Variants in DIP2C observed in about 807,000 individuals in gnomAD.
The protein encoded by DIP2C is disco-interacting protein 2 homolog C.
DIP2C carries 33 observed loss-of-function variants against 192.4 expected under a neutral mutation model. The ratio of observed to expected loss-of-function variants is 0.17; its 90% CI spans 0.13 to 0.23. The LOEUF (loss-of-function observed/expected upper bound fraction) is 0.23, where lower values mean the gene tolerates loss of function less well. DIP2C is among the 10% of genes least tolerant of loss of function. DIP2C has a pLI of 1.00. For synonymous variants in DIP2C, 979 were observed against 864.1 expected (o/e 1.13, Z -2.33); for missense variants, 1,537 against 2,110.1 (o/e 0.73, Z 5.32).
In DIP2C at chr10:670,397, CGTAA is replaced by C. The variant is rs367837768; in HGVS notation, c.85+19093_85+19096del. On this transcript the variant is annotated intron_variant, in intron 1 of 36. Coordinates refer to ENST00000280886, the MANE Select transcript of DIP2C (RefSeq NM_014974.3). ...ACACACATGCATGTGTACACGCATA[CGTAA>C]GTATCATCTCAGGTACGTGGATTCA... is the stretch of plus-strand genomic sequence containing the variant. Among the ~76,000 whole-genome samples, 972 of 152,212 alleles carry C rather than the reference CGTAA, an allele frequency of 6.4e-3. 9 individuals are homozygous for C. Among genetic ancestry groups the C allele is most frequent in the African/African-American group, 0.021 (890 of 41,536 alleles).
chr10:494,270 G>A (rs767512916), intron 1 of DIP2C, among the ~76,000 whole-genome samples: 3 of 151,560 alleles, frequency 2.0e-5, no homozygotes, highest in Non-Finnish European at 4.4e-5. Context: ...GCAGTCCAGA[G>A]TCCTAAACCC....
intron 1 of DIP2C, among the ~76,000 whole-genome samples, chr10:495,790 C>T (rs1231730757): frequency 6.6e-6 from 1 of 151,590 alleles, no homozygotes; most frequent in Non-Finnish European, 1.5e-5. Context: ...CCACAGTGCC[C>T]TCCCCATGTA....
intron 1 of DIP2C, among the ~76,000 whole-genome samples, chr10:685,160 AAATATATATATATATAT>A (rs1831278226): frequency 3.4e-4 from 10 of 29,124 alleles, no homozygotes; most frequent in Non-Finnish European, 6.1e-4. Flanking sequence ...AAAAAAAAAA[AAATATATATATATATAT>A]ATATATATAC....
rs147930090 is a variant in DIP2C at position 363,165 on chromosome 10, G to C, written c.2592+32C>G. 5.0e-4 allele frequency: 792 copies of C among 1,588,716 alleles called. 5 individuals carry two copies. In the African/African-American group the frequency reaches 9.7e-3, roughly 19 times the overall value. ...GTAAGGAGGCCAGAAACAAGACACA[G>C]GGGACCAGTGCCCAGGGCGAGGGAG... is the stretch of plus-strand genomic sequence containing the variant. On this transcript the variant is annotated intron_variant, in intron 21 of 36. Transcript: ENST00000280886. This position sits in a 1 kb window ranked among gnomAD's most constrained non-coding sequence, Gnocchi z 5.4.
chr10:450,024 C>A (rs1402626865), intron 3 of DIP2C, among the ~76,000 whole-genome samples: 2 of 151,864 alleles, frequency 1.3e-5, no homozygotes, highest in Admixed American at 1.3e-4. Context: ...AGCCTTGGAA[C>A]AGGAATCTCA....
intron 1 of DIP2C, among the ~76,000 whole-genome samples, chr10:583,999 C>T (rs953092646): frequency 2.0e-5 from 3 of 152,226 alleles, no homozygotes; most frequent in Admixed American, 6.5e-5. Flanking sequence ...TGGGTGGGTC[C>T]GTCTTTGTGA....
intron 1 of DIP2C, among the ~76,000 whole-genome samples, chr10:515,857 A>G (rs767288271): frequency 6.6e-6 from 1 of 152,160 alleles, no homozygotes; most frequent in Non-Finnish European, 1.5e-5. Context: ...TCTCGTCTCT[A>G]AACACTATGG....
intron 5 of DIP2C, 136 bp downstream of exon 5, chr10:422,686 GCC>G (rs1365954396): frequency 9.5e-7 from 1 of 1,055,162 alleles, no homozygotes; most frequent in African/African-American, 1.6e-5. Flanking sequence ...AAACAATCCA[GCC>G]AAAGCACCCC....
intron 1 of DIP2C, among the ~76,000 whole-genome samples, chr10:566,388 C>A (rs962027464): frequency 1.3e-5 from 2 of 152,222 alleles, no homozygotes; most frequent in Admixed American, 6.5e-5. Flanking sequence ...TCACCTGGTG[C>A]ATGAGCCGCT....
intron 1 of DIP2C, among the ~76,000 whole-genome samples, chr10:585,054 C>T (rs912737794): frequency 6.6e-6 from 1 of 151,896 alleles, no homozygotes; most frequent in African/African-American, 2.4e-5. Context: ...AATCTCAGGG[C>T]CCACGACCTG....
rs202012059 is a variant in DIP2C, at chr10:478,008, A to AGAGAGGAGGG, written c.158-5460_158-5459insCCCTCCTCTC. Among the ~76,000 whole-genome samples, 10 of 4,048 alleles carry AGAGAGGAGGG rather than the reference A, an allele frequency of 2.5e-3. 4 individuals carry two copies. The highest frequency in any genetic ancestry group is 3.5e-3 in the Non-Finnish European group (8 of 2,312). 2.7% of individuals were successfully genotyped at this position (4,048 alleles called of 152,430 possible). Reference sequence around the variant, plus strand: ...AGAAGAGAAGATAGAAGAGGAAAAAAGAGGGGAGGGGAGGGGAGGGGAGGG... The same window carrying AGAGAGGAGGG: ...AGAAGAGAAGATAGAAGAGGAAAAAAGAGAGGAGGGGAGGGGAGGGGAGGGGAGGGGAGGG... On this transcript the variant is annotated intron_variant, in intron 2 of 36. Transcript: ENST00000280886.
intron 1 of DIP2C, among the ~76,000 whole-genome samples, chr10:674,476 T>A (rs1489158915): frequency 3.3e-5 from 5 of 151,896 alleles, no homozygotes; most frequent in African/African-American, 1.2e-4. Context: ...TATTAGTAGA[T>A]CTAAATAGAG....
At chr10:451,808 G>C (rs10795161) in intron 3 of DIP2C, among the ~76,000 whole-genome samples, 1 of 151,960 alleles carries the variant, frequency 6.6e-6, no homozygotes, top group African/African-American at 2.4e-5. Context: ...AAGCAATCAT[G>C]TGGGGAAGGA....
chr10:350,892 C>T (rs1326994654), intron 24 of DIP2C, among the ~76,000 whole-genome samples: 11 of 152,122 alleles, frequency 7.2e-5, no homozygotes, highest in Non-Finnish European at 1.3e-4. Flanking sequence ...ATGATCCGCC[C>T]GCCTTGGCCT....
At chr10:398,966 C>T in intron 10 of DIP2C, 143 bp downstream of exon 10, 1 of 671,134 alleles carries the variant, frequency 1.5e-6, no homozygotes, top group South Asian at 1.8e-5. Flanking sequence ...GCAGGGCCCA[C>T]TAGCGACCGC....
intron 35 of DIP2C, among the ~76,000 whole-genome samples, chr10:282,591 G>C (rs751438734): frequency 6.6e-5 from 10 of 152,252 alleles, no homozygotes; most frequent in Non-Finnish European, 1.3e-4. Context: ...AACTAAGGAG[G>C]TGAGAAAGGA....
In DIP2C at chr10:615,542, CAG is replaced by C. The variant is rs138809790; in HGVS notation, c.85+73950_85+73951del. On this transcript the variant is annotated intron_variant, in intron 1 of 36. Transcript: ENST00000280886. ...AGACTTCAACTCTCAGGGTTAGGGT[CAG>C]AGTCATCAAATTCACCAGTTTTACA... is the stretch of plus-strand genomic sequence containing the variant. 4.6e-3 allele frequency among the ~76,000 whole-genome samples: 705 copies of C among 152,266 alleles called. 23 individuals are homozygous for C. In the East Asian group the frequency reaches 0.072, roughly 16 times the overall value.
At position 348,816 on chromosome 10, in the gene DIP2C, A is replaced by T. The variant is rs916343832; in HGVS notation, c.3110-54T>A. The stretch of plus-strand genomic sequence containing the variant: ...AAGCAGACCACGCTGCTGAGTGCAC[A>T]CTCTCCCTGTCAGCATCAATGCTTG... On this transcript the variant is annotated intron_variant, in intron 25 of 36. Coordinates refer to ENST00000280886, the MANE Select transcript of DIP2C (RefSeq NM_014974.3). 7.5e-6 allele frequency: 12 copies of T among 1,597,684 alleles called. No individual in the cohort carries two copies. In the East Asian group the frequency reaches 9.1e-5, roughly 12 times the overall value.
chr10:412,843 G>A (rs1007105261), intron 8 of DIP2C, among the ~76,000 whole-genome samples: 1 of 152,198 alleles, frequency 6.6e-6, no homozygotes, highest in Admixed American at 6.5e-5. Flanking sequence ...ACAACAGGCG[G>A]AACTATGTAC....
Sources: allele counts gnomAD v4.1 joint callset (sites outside exome capture counted in the v4.1 genomes callset), GRCh38; gene constraint gnomAD v4.1.1; non-coding constraint Gnocchi (gnomAD v3.1); transcripts MANE v1.5; gene names NCBI Gene and HGNC (gene_info 2026-07-23, HGNC 2026-07-21).